Variants in CCDC91 observed in about 807,000 individuals in gnomAD.
The protein encoded by CCDC91 is coiled-coil domain containing 91, also known as coiled-coil domain-containing protein 91.
CCDC91 carries 48 observed loss-of-function variants against 63.2 expected under a neutral mutation model. That is an observed-to-expected ratio of 0.76 (90% confidence interval 0.60 to 0.97). The LOEUF is 0.97. Among genes scored for constraint, CCDC91 ranks in the 50% least tolerant of loss-of-function variants. CCDC91 has a pLI of 0.00. For synonymous variants in CCDC91, 167 were observed against 165.8 expected, an observed-to-expected ratio of 1.01 and a Z score of -0.06; for missense variants, 500 against 494.6, an observed-to-expected ratio of 1.01 and a Z score of -0.10.
Position 28,516,664 on chromosome 12 carries a change from GAAGT to G in CCDC91, c.1216-32398_1216-32395del, listed in dbSNP as rs1939983199. 2.0e-5 allele frequency among the ~76,000 whole-genome samples: 3 copies of G among 152,000 alleles called. No homozygotes were observed. The South Asian group carries it at 6.2e-4, about 32-fold the overall frequency. On this transcript the variant is annotated intron_variant, in intron 12 of 12. Coordinates refer to ENST00000536442, the MANE Select transcript of CCDC91 (RefSeq NM_018318.5). ...ACAGTCTCACAGTTCTATTGGTGAG[GAAGT>G]TCAGGTCAAGGTGCTGGCATTTGGT... is the stretch of plus-strand genomic sequence containing the variant.
At chr12:28,485,518 C>T (rs771368112) in intron 12 of CCDC91, among the ~76,000 whole-genome samples, 1 of 152,018 alleles carries the variant, frequency 6.6e-6, no homozygotes, top group Non-Finnish European at 1.5e-5. Context: ...AGAAAATCCC[C>T]ATCTCTTGAT....
intron 11 of CCDC91, among the ~76,000 whole-genome samples, chr12:28,467,884 A>G (rs1186231901): frequency 1.3e-5 from 2 of 152,048 alleles, no homozygotes; most frequent in African/African-American, 4.8e-5. Context: ...AAGAAATTTC[A>G]GAAGGAAATT....
rs117656184 is a variant in CCDC91, at chr12:28,460,184, G to T, written c.1101+7530G>T. Among the ~76,000 whole-genome samples the T allele has an allele frequency of 2.5e-4, 38 of 152,204 alleles. No homozygotes were observed. The East Asian group carries it at 7.3e-3, about 29-fold the overall frequency. On this transcript the variant is annotated intron_variant, in intron 11 of 12. Coordinates refer to ENST00000536442, the MANE Select transcript of CCDC91 (RefSeq NM_018318.5). Reference sequence around the variant, plus strand: ...TAGTAATTGTCTTGGGACCATATATGTAGAGCTTTTGAGAAAATAGAAGCA... The same window carrying T: ...TAGTAATTGTCTTGGGACCATATATTTAGAGCTTTTGAGAAAATAGAAGCA...
chr12:28,473,325 C>A (rs952371779), intron 11 of CCDC91, among the ~76,000 whole-genome samples: 1 of 152,122 alleles, frequency 6.6e-6, no homozygotes, highest in African/African-American at 2.4e-5. Context: ...ATAGAACTGA[C>A]AATGGCCTAG....
intron 6 of CCDC91, among the ~76,000 whole-genome samples, chr12:28,361,675 T>G (rs1305671876): frequency 6.6e-6 from 1 of 152,102 alleles, no homozygotes; most frequent in African/African-American, 2.4e-5. Context: ...ATTTCATAGA[T>G]CTAGAATTTC....
chr12:28,403,300 G>C (rs1205658835), intron 8 of CCDC91, among the ~76,000 whole-genome samples: 1 of 152,120 alleles, frequency 6.6e-6, no homozygotes, highest in Non-Finnish European at 1.5e-5. Context: ...GAAGGTTGTT[G>C]TCTTAGCCTC....
At chr12:28,214,593 G>T (rs1592004776) in intron 1 of CCDC91, among the ~76,000 whole-genome samples, 1 of 152,144 alleles carries the variant, frequency 6.6e-6, no homozygotes, top group Non-Finnish European at 1.5e-5. Flanking sequence ...GTGTGTGTGT[G>T]TGTGTTTGTT....
intron 12 of CCDC91, among the ~76,000 whole-genome samples, chr12:28,488,330 C>G (rs1459834582): frequency 6.6e-6 from 1 of 151,618 alleles, no homozygotes. Flanking sequence ...AAATTACATC[C>G]TAAATTATTT....
intron 12 of CCDC91, among the ~76,000 whole-genome samples, chr12:28,531,621 CA>C (rs1266888328): frequency 2.6e-5 from 4 of 152,062 alleles, no homozygotes; most frequent in Non-Finnish European, 5.9e-5. Flanking sequence ...CATTTGCACA[CA>C]TTATTTTTGA....
At chr12:28,518,181 G>A (rs1592928554) in intron 12 of CCDC91, among the ~76,000 whole-genome samples, 1 of 151,844 alleles carries the variant, frequency 6.6e-6, no homozygotes, top group Non-Finnish European at 1.5e-5. Flanking sequence ...AATGGTAGTT[G>A]TACTTTTAGT....
chr12:28,219,595 C>T (rs1424228847), intron 1 of CCDC91, among the ~76,000 whole-genome samples: 1 of 151,774 alleles, frequency 6.6e-6, no homozygotes, highest in Non-Finnish European at 1.5e-5. Flanking sequence ...CCTCAGCCTC[C>T]CAAGTAGCTG....
At chr12:28,376,876 A>G (rs1390871367) in intron 7 of CCDC91, among the ~76,000 whole-genome samples, 7 of 151,772 alleles carry the variant, frequency 4.6e-5, no homozygotes, top group African/African-American at 1.7e-4. Flanking sequence ...TATTTAGTTG[A>G]CTCAATCAGT....
chr12:28,325,793 G>A (rs2137533879), intron 6 of CCDC91, among the ~76,000 whole-genome samples: 2 of 151,994 alleles, frequency 1.3e-5, no homozygotes, highest in South Asian at 4.2e-4. Context: ...TAATGATAGA[G>A]GTAGGGCAAG....
At chr12:28,439,698 C>T (rs1344229550) in intron 8 of CCDC91, among the ~76,000 whole-genome samples, 1 of 150,320 alleles carries the variant, frequency 6.7e-6, no homozygotes, top group African/African-American at 2.4e-5. Flanking sequence ...ACTCACATTC[C>T]AGGAAAGAAG....
chr12:28,491,715 T>A, intron 12 of CCDC91, among the ~76,000 whole-genome samples: 1 of 151,864 alleles, frequency 6.6e-6, no homozygotes, highest in Non-Finnish European at 1.5e-5. Context: ...AAGTCTATTT[T>A]CTAGATTCTT....
chr12:28,287,274 A>T (rs1290206221), intron 3 of CCDC91, among the ~76,000 whole-genome samples: 2 of 152,062 alleles, frequency 1.3e-5, no homozygotes. Context: ...TGTCATGAAC[A>T]CTTTGCCTGT....
intron 8 of CCDC91, among the ~76,000 whole-genome samples, chr12:28,401,050 G>T: frequency 6.6e-6 from 1 of 151,998 alleles, no homozygotes; most frequent in East Asian, 1.9e-4. Flanking sequence ...TCCAATCTCT[G>T]CCTGTTACTC....
chr12:28,465,454 C>A (rs1950505861), intron 11 of CCDC91, among the ~76,000 whole-genome samples: 1 of 152,142 alleles, frequency 6.6e-6, no homozygotes, highest in Non-Finnish European at 1.5e-5. Flanking sequence ...GTGGCCCCAG[C>A]TCTAGTTGGC....
intron 11 of CCDC91, among the ~76,000 whole-genome samples, chr12:28,478,780 A>G (rs1320438360): frequency 6.6e-6 from 1 of 152,032 alleles, no homozygotes; most frequent in Non-Finnish European, 1.5e-5. Context: ...AAATCAAACA[A>G]CCCCATCAAA....
Sources: gnomAD v4.1 joint callset for allele counts (sites outside exome capture counted in the v4.1 genomes callset) on GRCh38, gnomAD v4.1.1 for gene constraint, MANE v1.5 for transcripts, NCBI Gene and HGNC (gene_info 2026-07-23, HGNC 2026-07-21) for gene names.